The following DLGAP2 variants were observed in gnomAD, a reference collection of about 807,000 sequenced individuals.
DLGAP2 encodes DLG associated protein 2, also known as disks large-associated protein 2.
In DLGAP2, 26 loss-of-function variants were observed where a neutral mutation model predicts 100.3. That is an observed-to-expected ratio of 0.26 (90% CI 0.19 to 0.36). The LOEUF is 0.36. Ranked by LOEUF, DLGAP2 falls within the 10% of genes least tolerant of loss-of-function variation. The probability of loss-of-function intolerance (pLI) is 1.00; values close to 1 mark genes in which losing one functional copy is unlikely to be tolerated. For missense variants in DLGAP2, 1,858 were observed against 1,453.2 expected (o/e 1.28, Z -4.53); for synonymous variants, 886 against 630.1 (o/e 1.41, Z -6.08).
At chr8:1,254,681 C>G (rs935574224) in intron 2 of DLGAP2, among the ~76,000 whole-genome samples, 15 of 149,948 alleles carry the variant, frequency 1.0e-4, no homozygotes, top group Non-Finnish European at 1.8e-4. Flanking sequence ...GGTGTCTTTC[C>G]CAGGAACCTC....
At chr8:1,335,764 A>G (rs1393804524) in intron 3 of DLGAP2, among the ~76,000 whole-genome samples, 1 of 152,246 alleles carries the variant, frequency 6.6e-6, no homozygotes, top group African/African-American at 2.4e-5. Context: ...TGCTATGTTT[A>G]TTTATGTCCT....
At chr8:1,357,691 A>G (rs1019868062) in intron 3 of DLGAP2, among the ~76,000 whole-genome samples, 3 of 152,206 alleles carry the variant, frequency 2.0e-5, no homozygotes, top group African/African-American at 2.4e-5. Flanking sequence ...GTCTCATAAC[A>G]TGAGACGTCA....
At chr8:1,522,619 A>T (rs1800645792) in intron 4 of DLGAP2, among the ~76,000 whole-genome samples, 1 of 152,184 alleles carries the variant, frequency 6.6e-6, no homozygotes, top group Admixed American at 6.5e-5. Context: ...CATTGCAAGG[A>T]TTTAAGGGGA....
chr8:1,575,585 A>C (rs1402060171), intron 6 of DLGAP2, among the ~76,000 whole-genome samples: 3 of 149,744 alleles, frequency 2.0e-5, no homozygotes, highest in Non-Finnish European at 4.4e-5. Flanking sequence ...CGTCATTTAC[A>C]TTAGATATAT....
At chr8:824,353 G>GGT (rs1796646448) in intron 1 of DLGAP2, among the ~76,000 whole-genome samples, 1 of 152,248 alleles carries the variant, frequency 6.6e-6, no homozygotes, top group East Asian at 1.9e-4. Context: ...TGGGATTGCA[G>GGT]GTGTGAGCCC....
intron 6 of DLGAP2, chr8:1,604,702 C>A (rs1031690410): frequency 6.6e-6 from 1 of 152,078 alleles, no homozygotes; most frequent in Non-Finnish European, 1.5e-5. Context: ...TTGGGATTTG[C>A]AAAACCATCC....
At chr8:1,318,092 C>T (rs6558445) in intron 3 of DLGAP2, among the ~76,000 whole-genome samples, 1,255 of 14,170 alleles carry the variant, frequency 0.089, 6 homozygotes, top group South Asian at 0.1. Context: ...AGAGCGTGTG[C>T]GAGTGCAGCG....
At chr8:1,062,488 G>T (rs1018304974) in intron 2 of DLGAP2, among the ~76,000 whole-genome samples, 3 of 152,108 alleles carry the variant, frequency 2.0e-5, no homozygotes, top group African/African-American at 7.2e-5. Flanking sequence ...GGCTCTCCTC[G>T]GTAAGTCAAG....
At chr8:1,243,892 G>T (rs1237788047) in intron 2 of DLGAP2, among the ~76,000 whole-genome samples, 1 of 152,204 alleles carries the variant, frequency 6.6e-6, no homozygotes, top group Non-Finnish European at 1.5e-5. Context: ...CAGTGCCTCA[G>T]CATCTGTTCT....
intron 2 of DLGAP2, among the ~76,000 whole-genome samples, chr8:1,222,884 C>G (rs2116815484): frequency 6.6e-6 from 1 of 152,256 alleles, no homozygotes; most frequent in African/African-American, 2.4e-5. Context: ...GGCTGCATCC[C>G]AGGAGCCGGC....
intron 2 of DLGAP2, among the ~76,000 whole-genome samples, chr8:1,123,810 A>G (rs1204733471): frequency 6.6e-6 from 1 of 152,078 alleles, no homozygotes; most frequent in Non-Finnish European, 1.5e-5. Context: ...TTTCAATATT[A>G]ATTAATAATG....
chr8:1,683,890 G>C (rs1190417848), intron 12 of DLGAP2, among the ~76,000 whole-genome samples: 3 of 105,800 alleles, frequency 2.8e-5, no homozygotes, highest in African/African-American at 1.2e-4. Context: ...GTGTGTGTGT[G>C]TGTGTGTATA....
intron 3 of DLGAP2, among the ~76,000 whole-genome samples, chr8:1,333,907 A>G (rs1801214215): frequency 3.3e-5 from 5 of 152,232 alleles, no homozygotes; most frequent in Admixed American, 3.3e-4. Context: ...CTTGCCTCCC[A>G]TCTGAGGCTC....
chr8:851,319 A>G (rs1172329705), intron 1 of DLGAP2, among the ~76,000 whole-genome samples: 1 of 152,212 alleles, frequency 6.6e-6, no homozygotes. Context: ...CTGGTGACGC[A>G]TGTCTCAGGA....
chr8:1,147,058 A>C (rs1796621352), intron 2 of DLGAP2, among the ~76,000 whole-genome samples: 1 of 152,198 alleles, frequency 6.6e-6, no homozygotes, highest in Admixed American at 6.5e-5. Context: ...GAATTTATGG[A>C]ATCCGTAAAT....
In DLGAP2 at chr8:1,528,667, G is replaced by T. The variant is rs138228885; in HGVS notation, c.173-19959G>T. Among the ~76,000 whole-genome samples the T allele has an allele frequency of 2.0e-5, 3 of 152,332 alleles. No homozygotes were observed. In the East Asian group the frequency reaches 5.8e-4, roughly 29 times the overall value. ...CCTCAGTCAACATGGCTTTGCCATT[G>T]CAGCTGTAGGGACAGGTGAGTGGGT... On this transcript the variant is annotated intron_variant, in intron 4 of 14. Coordinates refer to ENST00000637795, the MANE Select transcript of DLGAP2 (RefSeq NM_001346810.2).
intron 3 of DLGAP2, among the ~76,000 whole-genome samples, chr8:1,428,836 C>G (rs1448102773): frequency 6.6e-6 from 1 of 152,210 alleles, no homozygotes; most frequent in Non-Finnish European, 1.5e-5. Context: ...ATCTGGCATG[C>G]ACGGTCTACA....
intron 2 of DLGAP2, among the ~76,000 whole-genome samples, chr8:1,066,956 G>C (rs972942426): frequency 6.6e-6 from 1 of 152,220 alleles, no homozygotes; most frequent in African/African-American, 2.4e-5. Flanking sequence ...AGGCGGCCCA[G>C]TGGCTTCTGC....
chr8:1,386,207 G>A (rs995409113), intron 3 of DLGAP2, among the ~76,000 whole-genome samples: 2 of 152,314 alleles, frequency 1.3e-5, no homozygotes, highest in Middle Eastern at 3.4e-3. Flanking sequence ...AGAGCATAGA[G>A]AAAGCAGAGT....
Sources: gnomAD v4.1 joint callset for allele counts (sites outside exome capture counted in the v4.1 genomes callset) on GRCh38, gnomAD v4.1.1 for gene constraint, MANE v1.5 for transcripts, NCBI Gene and HGNC (gene_info 2026-07-23, HGNC 2026-07-21) for gene names.